ARHGAP5: variants seen among roughly 807,000 people sequenced by gnomAD.
ARHGAP5 encodes the protein rho GTPase-activating protein 5.
A neutral mutation model predicts 116.6 loss-of-function variants in ARHGAP5; 23 were observed. The ratio of observed to expected loss-of-function variants is 0.20; its 90% CI spans 0.14 to 0.28. The LOEUF (loss-of-function observed/expected upper bound fraction) is 0.28. Ranked by LOEUF, ARHGAP5 falls within the 10% of genes least tolerant of loss-of-function variation. The pLI is 1.00. For missense variants in ARHGAP5, 1,405 were observed against 1,774.8 expected (o/e 0.79, Z 3.74); for synonymous variants, 574 against 602.0 (o/e 0.95, Z 0.68).
rs566243582 is a variant in ARHGAP5 at position 32,132,298 on chromosome 14, C to G, written c.3866-13965C>G. On this transcript the variant is annotated intron_variant, in intron 3 of 6. Transcript: ENST00000345122. ...CACTCTAACTGGTGTGAGATGGTAT[C>G]TTATTGTGGTTTTGATTTGCATTTC... Among the ~76,000 whole-genome samples the G allele has an allele frequency of 2.0e-5, 3 of 152,244 alleles. No homozygotes were observed. In the South Asian group the frequency reaches 6.2e-4, roughly 32 times the overall value.
intron 3 of ARHGAP5, among the ~76,000 whole-genome samples, chr14:32,140,238 G>A (rs115997773): frequency 0.058 from 8,684 of 150,416 alleles, 827 homozygotes; most frequent in African/African-American, 0.2. Context: ...ATCTAGAAGT[G>A]TTTTCTAATT....
rs1882026179 is a variant in ARHGAP5 at position 32,159,572 on chromosome 14, A to T, written c.*4624A>T. 6.6e-6 allele frequency: 1 copy of T among 152,088 alleles called. No individual in the cohort carries two copies. The highest frequency in any genetic ancestry group is 2.4e-5 in the African/African-American group (1 of 41,410). 9.4% of individuals were successfully genotyped at this position (152,088 alleles called of 1,614,324 possible). ...CCAGATCATTTTCTTGGGACCTTGA[A>T]CTGTGAATGTTTTGTCCTAACCATT... is the stretch of plus-strand genomic sequence containing the variant. On this transcript the variant is annotated 3_prime_UTR_variant, in exon 7 of 7. Coordinates refer to ENST00000345122, the MANE Select transcript of ARHGAP5 (RefSeq NM_001030055.2).
At position 32,154,751 on chromosome 14, in the gene ARHGAP5, G is replaced by C. The variant is rs141737585; in HGVS notation, c.4312G>C (p.Val1438Leu). ...LSTTKIHQSVVETFIQQCQFF... is the reference protein window; with the variant it reads ...LSTTKIHQSVLETFIQQCQFF... ...TACTACTAAGATTCATCAATCTGTT[G>C]TTGAAACATTCATTCAGCAGTGTCA... The change falls in exon 7 of 7, where the codon GTT becomes CTT. Residue 1438 changes from valine to leucine, a missense_variant. Physicochemically the swap from Val to Leu is conservative, Grantham distance 32 (BLOSUM62 1). Around this residue, in one of 6 missense-constraint regions of ARHGAP5, gnomAD observed 85 missense variants for 96.6 expected, o/e 0.88. Coordinates refer to ENST00000345122, the MANE Select transcript of ARHGAP5 (RefSeq NM_001030055.2). 113 of 1,614,026 alleles carry C rather than the reference G, an allele frequency of 7.0e-5. No homozygotes were observed. Among genetic ancestry groups the C allele is most frequent in the Non-Finnish European group, 9.2e-5 (108 of 1,180,018 alleles).
chr14:32,116,431 T>C (rs1879595386), intron 2 of ARHGAP5, among the ~76,000 whole-genome samples: 1 of 144,578 alleles, frequency 6.9e-6, no homozygotes, highest in South Asian at 2.2e-4. Context: ...CTACTAAAAA[T>C]ACAAAAAAAT....
chr14:32,149,780 AAAAAG>A, intron 4 of ARHGAP5, 117 bp from the exon 5 acceptor site: 12 of 538,252 alleles, frequency 2.2e-5, no homozygotes, highest in East Asian at 4.2e-5. Flanking sequence ...TCTCAAAAAA[AAAAAG>A]AAAAAGAAAA....
intron 1 of ARHGAP5, among the ~76,000 whole-genome samples, chr14:32,085,840 G>GA (rs559923637): frequency 2.6e-5 from 4 of 151,848 alleles, no homozygotes; most frequent in Non-Finnish European, 5.9e-5. Context: ...CTTCACTTTT[G>GA]AAAAAAAATT....
At chr14:32,138,514 G>A (rs192324938) in intron 3 of ARHGAP5, among the ~76,000 whole-genome samples, 7 of 152,246 alleles carry the variant, frequency 4.6e-5, no homozygotes, top group South Asian at 2.1e-4. Context: ...AGACTCCTGA[G>A]CTCAGGTGAT....
intron 5 of ARHGAP5, among the ~76,000 whole-genome samples, chr14:32,152,202 C>G (rs1035932721): frequency 4.6e-5 from 7 of 152,064 alleles, no homozygotes; most frequent in Admixed American, 2.6e-4. Context: ...TGAAACCATC[C>G]CCCCACCCAT....
In ARHGAP5 at chr14:32,158,490, A is replaced by C. The variant is rs1225694922; in HGVS notation, c.*3542A>C. ...TATAGCAGAGCTGCTAATATTAACG[A>C]ATATATTTGTGTCTTCATGGTTTGT... On this transcript the variant is annotated 3_prime_UTR_variant, in exon 7 of 7. Transcript: ENST00000345122. 6.6e-6 allele frequency: 1 copy of C among 152,024 alleles called. No individual in the cohort carries two copies. The highest frequency in any genetic ancestry group is 2.4e-5 in the African/African-American group (1 of 41,460). The allele number at this position is 152,024 out of a possible 1,614,324, so 9.4% of individuals were successfully genotyped here. A position where few individuals can be genotyped will look rare whatever the true frequency, so the allele number is the denominator to read the frequency against.
intron 2 of ARHGAP5, among the ~76,000 whole-genome samples, chr14:32,097,248 T>C (rs1396132468): frequency 6.6e-6 from 1 of 152,200 alleles, no homozygotes; most frequent in Non-Finnish European, 1.5e-5. Context: ...GGGGATTTAA[T>C]AGCAGAAAAA....
intron 3 of ARHGAP5, among the ~76,000 whole-genome samples, chr14:32,141,046 A>G (rs1002887052): frequency 5.3e-5 from 8 of 152,094 alleles, no homozygotes; most frequent in Admixed American, 3.9e-4. Context: ...TCTCCCTGTT[A>G]CTGATGTATA....
At chr14:32,085,588 A>G (rs978412604) in intron 1 of ARHGAP5, among the ~76,000 whole-genome samples, 1 of 152,144 alleles carries the variant, frequency 6.6e-6, no homozygotes, top group African/African-American at 2.4e-5. Flanking sequence ...GCTGCTTGCA[A>G]AAAGTTTGCC....
At chr14:32,112,329 G>C (rs982530143) in intron 2 of ARHGAP5, among the ~76,000 whole-genome samples, 12 of 152,164 alleles carry the variant, frequency 7.9e-5, no homozygotes, top group African/African-American at 2.9e-4. Flanking sequence ...GTGACCCTTT[G>C]TGTTGCTGGT....
At chr14:32,086,854 T>C (rs2139005901) in intron 1 of ARHGAP5, among the ~76,000 whole-genome samples, 1 of 150,814 alleles carries the variant, frequency 6.6e-6, no homozygotes, top group East Asian at 1.9e-4. Flanking sequence ...CTAAAGACAA[T>C]CTTAAAGGCA....
intron 2 of ARHGAP5, among the ~76,000 whole-genome samples, chr14:32,100,625 C>T (rs1396953783): frequency 6.6e-6 from 1 of 152,178 alleles, no homozygotes; most frequent in Admixed American, 6.5e-5. Context: ...TATGCAAATA[C>T]TATACCATTT....
At position 32,158,756 on chromosome 14, in the gene ARHGAP5, T is replaced by C. The variant is rs1320752678; in HGVS notation, c.*3808T>C. On this transcript the variant is annotated 3_prime_UTR_variant, in exon 7 of 7. Coordinates refer to ENST00000345122, the MANE Select transcript of ARHGAP5 (RefSeq NM_001030055.2). ...GAAAGTAAAATTTTCTAAGATTTAATAAGGGAAGATACTATTCAAATCATT... is the reference window on the plus strand; with the variant it reads ...GAAAGTAAAATTTTCTAAGATTTAACAAGGGAAGATACTATTCAAATCATT... 1 of 152,024 alleles carries C rather than the reference T, an allele frequency of 6.6e-6. No individual in the cohort carries two copies. Among genetic ancestry groups the C allele is most frequent in the African/African-American group, 2.4e-5 (1 of 41,446 alleles). 9.4% of individuals were successfully genotyped at this position (152,024 alleles called of 1,614,324 possible).
chr14:32,095,686 A>C (rs1878492188), intron 2 of ARHGAP5, among the ~76,000 whole-genome samples: 1 of 152,126 alleles, frequency 6.6e-6, no homozygotes, highest in Non-Finnish European at 1.5e-5. Context: ...AAGTGCTGGG[A>C]TTACAGGCGT....
chr14:32,093,920 A>T lies in ARHGAP5; in HGVS notation c.3251A>T (p.Asp1084Val), dbSNP rs1424551756. The T allele has an allele frequency of 6.8e-6, 11 of 1,614,016 alleles. No individual in the cohort carries two copies. Among genetic ancestry groups the T allele is most frequent in the African/African-American group, 1.3e-5 (1 of 74,938 alleles). Reference protein sequence around the residue: ...TSRVPLAHPEDMDPSDNYAEP... With the variant: ...TSRVPLAHPEVMDPSDNYAEP... ...CGGGTGCCTTTGGCACATCCTGAAG[A>T]TATGGATCCTTCAGATAACTATGCG... Residue 1084 changes from aspartate to valine, a missense_variant, in exon 2 of 7, where the codon GAT becomes GTT. Around this residue, in one of 6 missense-constraint regions of ARHGAP5, gnomAD observed 944 missense variants for 1,095.3 expected, o/e 0.86. Transcript: ENST00000345122.
intron 2 of ARHGAP5, among the ~76,000 whole-genome samples, chr14:32,097,952 A>G (rs78408078): frequency 6.6e-6 from 1 of 152,336 alleles, no homozygotes; most frequent in Non-Finnish European, 1.5e-5. Context: ...TTATTGAAAG[A>G]CATTAAAAAG....
Sources: gnomAD v4.1 joint callset for allele counts (sites outside exome capture counted in the v4.1 genomes callset) on GRCh38, gnomAD v4.1.1 for gene constraint, gnomAD v4.1.1 regional missense constraint, MANE v1.5 for transcripts, NCBI Gene and HGNC (gene_info 2026-07-23, HGNC 2026-07-21) for gene names.